SGMS2: variants seen among roughly 807,000 people sequenced by gnomAD.
SGMS2 encodes sphingomyelin synthase 2.
A neutral mutation model predicts 43.8 loss-of-function variants in SGMS2; 21 were observed. The observed-to-expected ratio is 0.48, with a 90% CI of 0.34 to 0.69. SGMS2 has a LOEUF of 0.69. SGMS2 is among the 30% of genes least tolerant of loss of function. The probability of loss-of-function intolerance (pLI) is 0.01; values close to 1 mark genes in which losing one functional copy is unlikely to be tolerated. For synonymous variants in SGMS2, 167 were observed against 160.6 expected (o/e 1.04, Z -0.30); for missense variants, 384 against 443.2 (o/e 0.87, Z 1.20).
At position 107,856,637 on chromosome 4, in the gene SGMS2, C is replaced by T. The variant is rs79636639; in HGVS notation, c.-326-1835C>T. Among the ~76,000 whole-genome samples the T allele has an allele frequency of 7.7e-3, 1,170 of 152,098 alleles. 12 individuals carry two copies. Among genetic ancestry groups the T allele is most frequent in the African/African-American group, 0.027 (1,101 of 41,504 alleles). ...AACCGGAGAAGGGTTCCAAGTGAAA[C>T]GAGAAAAACATCCTCCAAGGATAAG... is the stretch of plus-strand genomic sequence containing the variant. On this transcript the variant is annotated intron_variant, in intron 1 of 6. Coordinates refer to ENST00000690982, the MANE Select transcript of SGMS2 (RefSeq NM_001375905.1).
chr4:107,845,922 G>C (rs537464253), intron 1 of SGMS2, among the ~76,000 whole-genome samples: 1 of 152,130 alleles, frequency 6.6e-6, no homozygotes, highest in African/African-American at 2.4e-5. Flanking sequence ...TAAATGTTAT[G>C]CCACCAAATG....
At chr4:107,890,080 C>T (rs908007977) in intron 2 of SGMS2, among the ~76,000 whole-genome samples, 7 of 152,120 alleles carry the variant, frequency 4.6e-5, no homozygotes, top group Admixed American at 2.6e-4. Context: ...CTACACTTTT[C>T]TTTAAAAACC....
chr4:107,836,979 A>G (rs956729144), intron 1 of SGMS2, among the ~76,000 whole-genome samples: 5 of 152,236 alleles, frequency 3.3e-5, no homozygotes, highest in African/African-American at 1.2e-4. Context: ...TGCATTTATC[A>G]AGCTTCCAGG....
chr4:107,839,219 G>GC (rs1034377898), intron 1 of SGMS2, among the ~76,000 whole-genome samples: 2 of 152,052 alleles, frequency 1.3e-5, no homozygotes, highest in Non-Finnish European at 2.9e-5. Flanking sequence ...ACTTTCATTT[G>GC]CCCCATTGCA....
At chr4:107,892,290 C>A (rs918334065) in intron 2 of SGMS2, among the ~76,000 whole-genome samples, 2 of 147,228 alleles carry the variant, frequency 1.4e-5, no homozygotes, top group Non-Finnish European at 3.0e-5. Context: ...TAGATCTCAA[C>A]CAGAATTGGG....
At position 107,895,514 on chromosome 4, in the gene SGMS2, A is replaced by G; in HGVS notation, c.-40A>G. On this transcript the variant is annotated 5_prime_UTR_variant, in exon 3 of 7. Coordinates refer to ENST00000690982, the MANE Select transcript of SGMS2 (RefSeq NM_001375905.1). ...AAGCTAAATTTCCACAAAGAACAAG[A>G]ACTTGACCATCTCCTTTTTGATCTG... The G allele has an allele frequency of 6.4e-7, 1 of 1,565,524 alleles. No homozygotes were observed. Among genetic ancestry groups the G allele is most frequent in the Non-Finnish European group, 8.7e-7 (1 of 1,155,588 alleles).
chr4:107,902,141 A>C (rs571093618), intron 4 of SGMS2, among the ~76,000 whole-genome samples: 3 of 149,002 alleles, frequency 2.0e-5, no homozygotes, highest in Admixed American at 1.3e-4. Context: ...TTGATCTTGA[A>C]CTCCTGACCT....
chr4:107,882,945 A>G (rs761284802), intron 2 of SGMS2, among the ~76,000 whole-genome samples: 4 of 152,186 alleles, frequency 2.6e-5, no homozygotes, highest in Non-Finnish European at 4.4e-5. Context: ...AATGTTTTGC[A>G]TCTATCTTGA....
intron 2 of SGMS2, among the ~76,000 whole-genome samples, chr4:107,861,194 G>A (rs1727713238): frequency 6.6e-6 from 1 of 152,174 alleles, no homozygotes; most frequent in Non-Finnish European, 1.5e-5. Context: ...TGTCATAGAT[G>A]GGGCTCTACT....
At chr4:107,856,103 T>A (rs917780022) in intron 1 of SGMS2, among the ~76,000 whole-genome samples, 4 of 152,196 alleles carry the variant, frequency 2.6e-5, no homozygotes, top group African/African-American at 9.6e-5. Flanking sequence ...CCACTACACC[T>A]TGTGATCAAG....
chr4:107,855,958 C>T (rs1490075980), intron 1 of SGMS2, among the ~76,000 whole-genome samples: 3 of 152,104 alleles, frequency 2.0e-5, no homozygotes, highest in South Asian at 2.1e-4. Context: ...AATACTTAAT[C>T]GTGGAGTCAT....
At chr4:107,855,664 G>A (rs1220685705) in intron 1 of SGMS2, among the ~76,000 whole-genome samples, 1 of 152,130 alleles carries the variant, frequency 6.6e-6, no homozygotes, top group East Asian at 1.9e-4. Context: ...TTGTATAGCC[G>A]TTGGATGAAA....
At chr4:107,906,561 T>C (rs1272827336) in intron 5 of SGMS2, among the ~76,000 whole-genome samples, 2 of 152,252 alleles carry the variant, frequency 1.3e-5, no homozygotes. Context: ...TGTCATCATC[T>C]AGCTCATTGT....
intron 1 of SGMS2, among the ~76,000 whole-genome samples, chr4:107,825,780 C>T (rs1725555774): frequency 6.6e-6 from 1 of 151,868 alleles, no homozygotes; most frequent in Non-Finnish European, 1.5e-5. Flanking sequence ...AAATAAGGGG[C>T]GGGGAACCCC....
rs888915576 is a variant in SGMS2 at position 107,912,402 on chromosome 4, T to C, written c.*1849T>C. 6.6e-6 allele frequency: 1 copy of C among 152,264 alleles called. No homozygotes were observed. The highest frequency in any genetic ancestry group is 1.5e-5 in the Non-Finnish European group (1 of 68,052). The allele number at this position is 152,264 out of a possible 1,614,324, so 9.4% of individuals were successfully genotyped here. A position where few individuals can be genotyped will look rare whatever the true frequency, so the allele number is the denominator to read the frequency against. ...ATAAACATATACTTAGTTTACCTGA[T>C]GAGTTTAGACATAATTCTATATAAT... On this transcript the variant is annotated 3_prime_UTR_variant, in exon 7 of 7. Coordinates refer to ENST00000690982, the MANE Select transcript of SGMS2 (RefSeq NM_001375905.1).
chr4:107,874,545 A>G (rs952478208), intron 2 of SGMS2, among the ~76,000 whole-genome samples: 8 of 152,192 alleles, frequency 5.3e-5, no homozygotes, highest in Non-Finnish European at 7.3e-5. Flanking sequence ...TAAACCACTA[A>G]TGTTATCTAA....
intron 1 of SGMS2, among the ~76,000 whole-genome samples, chr4:107,857,531 G>GATAGAT (rs149685936): frequency 1.4e-5 from 2 of 144,924 alleles, no homozygotes; most frequent in East Asian, 4.1e-4. Flanking sequence ...GTAGTTAAAA[G>GATAGAT]ATATATATAT....
intron 1 of SGMS2, among the ~76,000 whole-genome samples, chr4:107,853,077 C>T (rs1393882440): frequency 6.6e-6 from 1 of 152,194 alleles, no homozygotes; most frequent in East Asian, 1.9e-4. Context: ...TATTATATGA[C>T]CTTCTTGTCA....
intron 1 of SGMS2, among the ~76,000 whole-genome samples, chr4:107,846,902 A>G (rs1276466398): frequency 1.3e-5 from 2 of 151,866 alleles, no homozygotes; most frequent in African/African-American, 2.4e-5. Context: ...TTGGCTGCAT[A>G]AATGTCTTCT....
Sources: allele counts gnomAD v4.1 joint callset (sites outside exome capture counted in the v4.1 genomes callset), GRCh38; gene constraint gnomAD v4.1.1; transcripts MANE v1.5; gene names NCBI Gene and HGNC (gene_info 2026-07-23, HGNC 2026-07-21).